The following RBPJ variants were observed in gnomAD, a reference collection of about 807,000 sequenced individuals.
RBPJ encodes recombination signal binding protein for immunoglobulin kappa J region, also known as recombining binding protein suppressor of hairless.
RBPJ carries 9 observed loss-of-function variants against 67.8 expected under a neutral mutation model. The observed-to-expected ratio is 0.13, with a 90% CI of 0.08 to 0.23. RBPJ has a LOEUF of 0.23. Ranked by LOEUF, RBPJ falls within the 10% of genes least tolerant of loss-of-function variation. The pLI is 1.00. For synonymous variants in RBPJ, 198 were observed against 203.3 expected (o/e 0.97, Z 0.22); for missense variants, 305 against 595.6 (o/e 0.51, Z 5.08).
chr4:26,247,541 G>C (rs1719968445), intron 1 of RBPJ, among the ~76,000 whole-genome samples: 1 of 152,104 alleles, frequency 6.6e-6, no homozygotes, highest in Non-Finnish European at 1.5e-5. Flanking sequence ...CTCCCGAGTA[G>C]CTAGGATTAC....
intron 1 of RBPJ, among the ~76,000 whole-genome samples, chr4:26,385,102 C>T (rs1278091815): frequency 6.7e-6 from 1 of 148,536 alleles, no homozygotes; most frequent in African/African-American, 2.5e-5. Flanking sequence ...CTCACTGCAA[C>T]CACTGCCTCC....
intron 1 of RBPJ, chr4:26,272,747 A>G (rs1314987163): frequency 6.6e-6 from 3 of 451,920 alleles, no homozygotes; most frequent in Non-Finnish European, 1.3e-5. Context: ...CACCAACCAT[A>G]TTTGAAACCA....
At chr4:26,334,094 G>T (rs61662073) in intron 1 of RBPJ, among the ~76,000 whole-genome samples, 1 of 150,984 alleles carries the variant, frequency 6.6e-6, no homozygotes, top group East Asian at 1.9e-4. Flanking sequence ...AGGCTGGAGC[G>T]CAGTGATGCT....
chr4:26,240,770 G>A (rs966520900), intron 1 of RBPJ, among the ~76,000 whole-genome samples: 4 of 152,190 alleles, frequency 2.6e-5, no homozygotes, highest in African/African-American at 9.6e-5. Flanking sequence ...ATGTGAAAAG[G>A]TTTTGGACTC....
intron 1 of RBPJ, among the ~76,000 whole-genome samples, chr4:26,197,200 A>T (rs890772931): frequency 2.0e-5 from 3 of 152,166 alleles, no homozygotes; most frequent in Non-Finnish European, 4.4e-5. Flanking sequence ...TGTGGTGACC[A>T]GTGCTCGGTT....
chr4:26,384,073 C>T (rs1244601074), intron 1 of RBPJ: 1 of 152,102 alleles, frequency 6.6e-6, no homozygotes, highest in East Asian at 1.9e-4. Flanking sequence ...TCTCAAATTC[C>T]TGCAATCAAA....
At chr4:26,210,779 CTTTCTTTCTTTCTTTCTTTCTTTCT>C (rs1718388971) in intron 1 of RBPJ, among the ~76,000 whole-genome samples, 1 of 90,050 alleles carries the variant, frequency 1.1e-5, no homozygotes, top group Non-Finnish European at 2.4e-5. Context: ...TTCTTTCTTT[CTTTCTTTCTTTCTTTCTTTCTTTCT>C]TTCTTTTCTC....
At chr4:26,269,784 G>T (rs1720818620) in intron 1 of RBPJ, among the ~76,000 whole-genome samples, 1 of 152,114 alleles carries the variant, frequency 6.6e-6, no homozygotes, top group Non-Finnish European at 1.5e-5. Flanking sequence ...TTTGAGGGAA[G>T]GGAGTGAAGG....
chr4:26,323,215 T>C (rs553796396), intron 1 of RBPJ, among the ~76,000 whole-genome samples: 5 of 152,234 alleles, frequency 3.3e-5, no homozygotes, highest in Non-Finnish European at 7.4e-5. Flanking sequence ...AATAATCTTA[T>C]GTCTCCCTTA....
chr4:26,377,023 C>T (rs1729817690), intron 1 of RBPJ, among the ~76,000 whole-genome samples: 2 of 152,012 alleles, frequency 1.3e-5, no homozygotes, highest in African/African-American at 2.4e-5. Flanking sequence ...AATCCTGTAT[C>T]GATATTTGAT....
At chr4:26,215,241 AAGAAAGTAAGAAAGAAAGGAAG>A (rs1344836239) in intron 1 of RBPJ, among the ~76,000 whole-genome samples, 2 of 13,404 alleles carry the variant, frequency 1.5e-4, no homozygotes, top group Admixed American at 1.1e-3. Flanking sequence ...GAGAGAAAGA[AAGAAAGTAAGAAAGAAAGGAAG>A]GGAGGGAGGA....
chr4:26,180,102 T>C (rs2136987), intron 1 of RBPJ, among the ~76,000 whole-genome samples: 8,581 of 152,042 alleles, frequency 0.056, 507 homozygotes, highest in African/African-American at 0.14. Context: ...TGTTCTGACT[T>C]ATAAGTGGGA....
intron 1 of RBPJ, among the ~76,000 whole-genome samples, chr4:26,226,281 A>G (rs1719073481): frequency 2.0e-5 from 3 of 152,152 alleles, no homozygotes; most frequent in Non-Finnish European, 4.4e-5. Flanking sequence ...CCTGGGTAAC[A>G]TAGCAAGACC....
chr4:26,424,263 C>A lies in RBPJ; in HGVS notation c.497-79C>A. 7.4e-7 allele frequency: 1 copy of A among 1,344,936 alleles called. No individual in the cohort carries two copies. Among genetic ancestry groups the A allele is most frequent in the Non-Finnish European group, 1.0e-6 (1 of 952,860 alleles). The allele number at this position is 1,344,936 out of a possible 1,614,324, so 83.3% of individuals were successfully genotyped here. ...GATAAGAAAGAATAATTATACACTGCCAAGCAGAATTTCCTTCTTTTGCTC... is the reference window on the plus strand; with the variant it reads ...GATAAGAAAGAATAATTATACACTGACAAGCAGAATTTCCTTCTTTTGCTC... On this transcript the variant is annotated intron_variant, in intron 5 of 10. Coordinates refer to ENST00000355476, the MANE Select transcript of RBPJ (RefSeq NM_015874.6). The surrounding 1 kb of genome is among the most constrained non-coding windows in gnomAD (Gnocchi z 5.3).
At chr4:26,197,018 T>G (rs962067759) in intron 1 of RBPJ, among the ~76,000 whole-genome samples, 4 of 152,256 alleles carry the variant, frequency 2.6e-5, no homozygotes, top group African/African-American at 9.6e-5. Flanking sequence ...ATCTGCCATC[T>G]GTATCAATCT....
the RBPJ span, among the ~76,000 whole-genome samples, chr4:26,155,641 G>T: frequency 7.2e-5 from 11 of 151,922 alleles, no homozygotes; most frequent in Middle Eastern, 6.8e-3. Flanking sequence ...TGCCATGTTG[G>T]CCAGGCTGGT....
rs532458902 is a variant in RBPJ at position 26,262,908 on chromosome 4, G to C, written c.-167+99294G>C. 6.6e-5 allele frequency among the ~76,000 whole-genome samples: 10 copies of C among 152,236 alleles called. No individual in the cohort carries two copies. The South Asian group carries it at 2.1e-3, about 32-fold the overall frequency. Reference sequence around the variant, plus strand: ...TCAATCCATCAGGCTTCCCAGAGCAGAATCCTGAATGTTACCATTCATTTA... The same window carrying C: ...TCAATCCATCAGGCTTCCCAGAGCACAATCCTGAATGTTACCATTCATTTA... On this transcript the variant is annotated intron_variant, in intron 1 of 4. Transcript: ENST00000512351.
chr4:26,174,651 G>A (rs1716731748), intron 1 of RBPJ, among the ~76,000 whole-genome samples: 2 of 152,062 alleles, frequency 1.3e-5, no homozygotes, highest in Admixed American at 1.3e-4. Flanking sequence ...TATACTTTTA[G>A]TAGAGATGGG....
At position 26,308,537 on chromosome 4, in the gene RBPJ, A is replaced by C. The variant is rs1577411354; in HGVS notation, c.-166-53909A>C. ...GAATAAAAATTGTTAACCTAATTAC[A>C]GCAGCAACTATTGAAAGAGACAATG... On this transcript the variant is annotated intron_variant, in intron 1 of 4. Coordinates refer to the RBPJ transcript ENST00000512351. 2.0e-5 allele frequency among the ~76,000 whole-genome samples: 3 copies of C among 152,372 alleles called. No homozygotes were observed. The East Asian group carries it at 5.8e-4, about 29-fold the overall frequency.
Sources: allele counts gnomAD v4.1 joint callset (sites outside exome capture counted in the v4.1 genomes callset), GRCh38; gene constraint gnomAD v4.1.1; non-coding constraint Gnocchi (gnomAD v3.1); transcripts MANE v1.5; gene names NCBI Gene and HGNC (gene_info 2026-07-23, HGNC 2026-07-21).